Variants in RAI14 observed in about 807,000 individuals in gnomAD.
The protein encoded by RAI14 is ankycorbin.
Under a neutral mutation model 115.4 loss-of-function variants are expected in RAI14, and 45 were observed. That is an observed-to-expected ratio of 0.39 (90% CI 0.31 to 0.50). The LOEUF (loss-of-function observed/expected upper bound fraction) is 0.50, where lower values mean the gene tolerates loss of function less well. RAI14 is among the 20% of genes least tolerant of loss of function. The probability of loss-of-function intolerance (pLI) is 0.85; values close to 1 mark genes in which losing one functional copy is unlikely to be tolerated. For missense variants in RAI14, 939 were observed against 1,131.2 expected (o/e 0.83, Z 2.44); for synonymous variants, 371 against 415.4 (o/e 0.89, Z 1.30).
chr5:34,711,666 A>G (rs1016995379), intron 2 of RAI14, among the ~76,000 whole-genome samples: 22 of 152,222 alleles, frequency 1.4e-4, no homozygotes, highest in African/African-American at 5.3e-4. Context: ...CCCTTCTGCC[A>G]TATGAGGACA....
chr5:34,707,434 C>T (rs77158786), intron 2 of RAI14, among the ~76,000 whole-genome samples: 1 of 152,240 alleles, frequency 6.6e-6, no homozygotes, highest in African/African-American at 2.4e-5. Flanking sequence ...CGCTACTGCA[C>T]TCCAGCCTGG....
intron 2 of RAI14, among the ~76,000 whole-genome samples, chr5:34,734,756 G>T (rs1026452923): frequency 4.6e-5 from 7 of 152,018 alleles, no homozygotes; most frequent in Admixed American, 4.6e-4. Flanking sequence ...CCGCCTCCCA[G>T]GTTCAAGCAA....
chr5:34,714,077 C>G (rs2149973734), intron 2 of RAI14, among the ~76,000 whole-genome samples: 1 of 152,338 alleles, frequency 6.6e-6, no homozygotes, highest in South Asian at 2.1e-4. Context: ...GATGGGATTT[C>G]AGGCGTGAGC....
chr5:34,690,482 C>G (rs1233744495), intron 2 of RAI14, among the ~76,000 whole-genome samples: 2 of 152,196 alleles, frequency 1.3e-5, no homozygotes, highest in Non-Finnish European at 2.9e-5. Context: ...GTGAGCAACA[C>G]CCAGGAGTAA....
intron 2 of RAI14, among the ~76,000 whole-genome samples, chr5:34,713,064 G>A (rs749171975): frequency 2.0e-5 from 3 of 151,920 alleles, no homozygotes; most frequent in Admixed American, 1.3e-4. Flanking sequence ...TGGGTTGGTG[G>A]GGCGCAAAAC....
At position 34,753,615 on chromosome 5, in the gene RAI14, A is replaced by G. The variant is rs1421645281; in HGVS notation, c.37-3853A>G. On this transcript the variant is annotated intron_variant, in intron 2 of 17. Transcript: ENST00000265109. ...GCCAATGTGGTGAAACCCCATCTCT[A>G]CTGAAAATACAAAAATTGGGCCAGG... 3.3e-5 allele frequency among the ~76,000 whole-genome samples: 5 copies of G among 152,092 alleles called. No homozygotes were observed. In the East Asian group the frequency reaches 7.7e-4, roughly 24 times the overall value.
At position 34,818,803 on chromosome 5, in the gene RAI14, A is replaced by G. The variant is rs369345415; in HGVS notation, c.946A>G (p.Ile316Val). The G allele has an allele frequency of 7.8e-5, 126 of 1,610,004 alleles. No individual in the cohort carries two copies. The highest frequency in any genetic ancestry group is 1.1e-4 in the Non-Finnish European group (124 of 1,177,578). Residue 316 changes from isoleucine (I) to valine (V), a missense_variant, in exon 13 of 18, where the codon ATC becomes GTC. Ile to Val is a conservative substitution (Grantham distance 29). Transcript: ENST00000265109. ...CATTTTTGTGTTTCAATAGGCTGAG[A>G]TCAGTTCTATACGAGAAAACAAAGA... ...FFAEPPFKAE[I>V]SSIRENKDRL...
At chr5:34,754,915 C>A (rs955478610) in intron 2 of RAI14, among the ~76,000 whole-genome samples, 1 of 152,140 alleles carries the variant, frequency 6.6e-6, no homozygotes, top group African/African-American at 2.4e-5. Flanking sequence ...TCCTTTCATG[C>A]GGCCGTTCCT....
At chr5:34,781,536 T>A (rs532706691) in intron 3 of RAI14, among the ~76,000 whole-genome samples, 1 of 152,316 alleles carries the variant, frequency 6.6e-6, no homozygotes, top group Non-Finnish European at 1.5e-5. Context: ...ACGTTTTACA[T>A]CTGGACATTT....
intron 3 of RAI14, among the ~76,000 whole-genome samples, chr5:34,758,394 G>A (rs897241386): frequency 6.6e-6 from 1 of 152,134 alleles, no homozygotes; most frequent in African/African-American, 2.4e-5. Flanking sequence ...GATGGTTATT[G>A]TGTAATTACT....
At chr5:34,751,909 A>C (rs1747077444) in intron 2 of RAI14, among the ~76,000 whole-genome samples, 1 of 152,174 alleles carries the variant, frequency 6.6e-6, no homozygotes, top group South Asian at 2.1e-4. Flanking sequence ...TTCTCCTGTT[A>C]GTCTTAACAT....
chr5:34,721,657 TTTC>T (rs2149996879), intron 2 of RAI14, among the ~76,000 whole-genome samples: 1 of 152,320 alleles, frequency 6.6e-6, no homozygotes, highest in African/African-American at 2.4e-5. Flanking sequence ...TTTTAAATGA[TTTC>T]TTATTTTCTC....
chr5:34,754,200 T>G (rs334913), intron 2 of RAI14, among the ~76,000 whole-genome samples: 118,455 of 152,038 alleles, frequency 0.78, 46,505 homozygotes, highest in African/African-American at 0.85. Flanking sequence ...GGCCTCTTTA[T>G]CACTGTGCTT....
intron 2 of RAI14, among the ~76,000 whole-genome samples, chr5:34,743,033 C>T (rs1227322480): frequency 1.3e-5 from 2 of 152,258 alleles, no homozygotes; most frequent in South Asian, 2.1e-4. Flanking sequence ...ATCAACGTAG[C>T]GTGTGGTTCC....
At chr5:34,736,225 G>A (rs1291074647) in intron 2 of RAI14, among the ~76,000 whole-genome samples, 2 of 152,126 alleles carry the variant, frequency 1.3e-5, no homozygotes. Context: ...ACATGGCGAA[G>A]CCCCGTCTCT....
intron 3 of RAI14, among the ~76,000 whole-genome samples, chr5:34,769,113 G>A (rs1219409428): frequency 6.6e-6 from 1 of 152,004 alleles, no homozygotes; most frequent in African/African-American, 2.4e-5. Context: ...CACATCACAG[G>A]CACTTAAAGG....
At chr5:34,728,184 C>G (rs545545170) in intron 2 of RAI14, among the ~76,000 whole-genome samples, 2 of 152,286 alleles carry the variant, frequency 1.3e-5, no homozygotes, top group South Asian at 4.1e-4. Flanking sequence ...GTCTGTACCC[C>G]CACTGTATCT....
chr5:34,699,967 G>A (rs1739839937), intron 2 of RAI14, among the ~76,000 whole-genome samples: 1 of 152,156 alleles, frequency 6.6e-6, no homozygotes, highest in African/African-American at 2.4e-5. Context: ...TTAGCTTTCT[G>A]AAAGCTTCTG....
chr5:34,707,578 CT>C (rs1740858833), intron 2 of RAI14, among the ~76,000 whole-genome samples: 2 of 152,206 alleles, frequency 1.3e-5, no homozygotes, highest in African/African-American at 4.8e-5. Context: ...CTGATAATTG[CT>C]TCTGTAAGAG....
Sources: gnomAD v4.1 joint callset for allele counts (sites outside exome capture counted in the v4.1 genomes callset) on GRCh38, gnomAD v4.1.1 for gene constraint, MANE v1.5 for transcripts, NCBI Gene and HGNC (gene_info 2026-07-23, HGNC 2026-07-21) for gene names.